The following DYNLT5 variants were observed in gnomAD, a reference collection of about 807,000 sequenced individuals.
DYNLT5 encodes the protein dynein light chain Tctex-type family member 5.
Under a neutral mutation model 19.3 loss-of-function variants are expected in DYNLT5, and 25 were observed. That is an observed-to-expected ratio of 1.30 (90% CI 0.95 to 1.81). DYNLT5 has a LOEUF of 1.81. Among genes scored for constraint, DYNLT5 ranks in the 40% most tolerant of loss-of-function variants. The pLI, the probability that DYNLT5 is intolerant of heterozygous loss-of-function variation, is 0.00. For synonymous variants in DYNLT5, 82 were observed against 68.9 expected, an observed-to-expected ratio of 1.19 and a Z score of -0.94; for missense variants, 232 against 217.9, an observed-to-expected ratio of 1.06 and a Z score of -0.41.
At chr1:66,755,646 T>C (rs1282862208) in intron 2 of DYNLT5, 1 of 152,080 alleles carries the variant, frequency 6.6e-6, no homozygotes, top group Non-Finnish European at 1.5e-5. Flanking sequence ...ATTCTCAGAG[T>C]GTATTAATGC....
intron 2 of DYNLT5, among the ~76,000 whole-genome samples, chr1:66,764,630 T>G (rs374795621): frequency 6.6e-6 from 1 of 152,190 alleles, no homozygotes; most frequent in South Asian, 2.1e-4. Context: ...TCTAAAATAT[T>G]GTGAGCATTA....
intron 2 of DYNLT5, among the ~76,000 whole-genome samples, chr1:66,758,526 A>G (rs565790968): frequency 6.6e-6 from 1 of 152,168 alleles, no homozygotes; most frequent in Admixed American, 6.6e-5. Context: ...TTCTGTATGG[A>G]TCCCACAGCT....
chr1:66,773,316 G>A (rs753067541), intron 3 of DYNLT5, among the ~76,000 whole-genome samples: 18 of 152,106 alleles, frequency 1.2e-4, no homozygotes, highest in Non-Finnish European at 1.8e-4. Context: ...AAAATATTGA[G>A]AGAGAAAGAG....
chr1:66,759,775 A>C (rs2094642654), intron 2 of DYNLT5, among the ~76,000 whole-genome samples: 1 of 152,244 alleles, frequency 6.6e-6, no homozygotes, highest in African/African-American at 2.4e-5. Context: ...GCCATTTGGC[A>C]AAGAAAGTTA....
intron 2 of DYNLT5, among the ~76,000 whole-genome samples, chr1:66,760,714 T>C (rs1256580455): frequency 2.0e-5 from 3 of 152,228 alleles, no homozygotes; most frequent in Non-Finnish European, 2.9e-5. Flanking sequence ...GCACCTGCAC[T>C]ACCAGCATCA....
intron 2 of DYNLT5, among the ~76,000 whole-genome samples, chr1:66,766,233 C>G (rs1391547): frequency 6.6e-6 from 1 of 151,850 alleles, no homozygotes; most frequent in East Asian, 1.9e-4. Context: ...AAAATAAAAC[C>G]GTAGCATTCA....
chr1:66,765,200 T>C (rs1572547411), intron 2 of DYNLT5, among the ~76,000 whole-genome samples: 1 of 152,206 alleles, frequency 6.6e-6, no homozygotes, highest in Admixed American at 6.5e-5. Flanking sequence ...CAGCACATGA[T>C]TTAATAACAG....
chr1:66,765,062 G>T (rs2094652237), intron 2 of DYNLT5, among the ~76,000 whole-genome samples: 1 of 152,150 alleles, frequency 6.6e-6, no homozygotes, highest in African/African-American at 2.4e-5. Context: ...TTCCCACTGT[G>T]CCTGACATGT....
At chr1:66,759,119 A>T (rs1356567474) in intron 2 of DYNLT5, among the ~76,000 whole-genome samples, 2 of 152,244 alleles carry the variant, frequency 1.3e-5, no homozygotes, top group Non-Finnish European at 2.9e-5. Flanking sequence ...GCCATTTCAC[A>T]TACAATATCT....
At chr1:66,775,769 C>T (rs189581799) in intron 3 of DYNLT5, among the ~76,000 whole-genome samples, 46 of 152,284 alleles carry the variant, frequency 3.0e-4, no homozygotes, top group South Asian at 2.1e-4. Context: ...CATTTGAAAA[C>T]TAAAGAGCAA....
intron 2 of DYNLT5, among the ~76,000 whole-genome samples, chr1:66,755,199 T>A (rs2094634007): frequency 6.6e-6 from 1 of 152,236 alleles, no homozygotes; most frequent in Non-Finnish European, 1.5e-5. Context: ...TCCTCTTAAA[T>A]GACTGCATAA....
intron 3 of DYNLT5, chr1:66,775,408 T>C (rs1399181011): frequency 2.0e-5 from 3 of 152,246 alleles, no homozygotes; most frequent in Non-Finnish European, 2.9e-5. Context: ...TTCATTATTA[T>C]ATATGTATAC....
chr1:66,762,390 C>A (rs10437080), intron 2 of DYNLT5, among the ~76,000 whole-genome samples: 1 of 151,958 alleles, frequency 6.6e-6, no homozygotes, highest in Non-Finnish European at 1.5e-5. Flanking sequence ...AACACTAGAA[C>A]TTATTTCTCC....
Position 66,776,347 on chromosome 1 carries a change from C to T in DYNLT5, c.280C>T (p.Gln94Ter). The T allele has an allele frequency of 2.5e-6, 4 of 1,613,320 alleles. No homozygotes were observed. Among genetic ancestry groups the T allele is most frequent in the Non-Finnish European group, 3.4e-6 (4 of 1,179,642 alleles). ...ILKDVVTSYL[Q>*]VEEYEPELCR... ...GAAAGATGTAGTAACCAGCTATCTA[C>T]AAGTAGAAGAATATGAACCAGAGCT... is the stretch of plus-strand genomic sequence containing the variant. Residue 94 changes from glutamine (Q) to a stop codon, truncating the protein, a stop_gained, in exon 4 of 5, where the codon CAA (glutamine) becomes TAA (stop). Coordinates refer to ENST00000282670, the MANE Select transcript of DYNLT5 (RefSeq NM_152665.3). LOFTEE classifies it high-confidence loss of function.
At chr1:66,764,021 C>CA (rs2094650309) in intron 2 of DYNLT5, among the ~76,000 whole-genome samples, 1 of 151,814 alleles carries the variant, frequency 6.6e-6, no homozygotes, top group Admixed American at 6.6e-5. Flanking sequence ...CCTGTCTGTA[C>CA]AAAAAATTAA....
In DYNLT5 at chr1:66,770,365, T is replaced by C. The variant is rs760351594; in HGVS notation, c.120-22T>C. ...TTATTGTTATAATAATGACTAAAAT[T>C]TGTTTTCTCCCTTGTTTTTAGTTCT... is the stretch of plus-strand genomic sequence containing the variant. On this transcript the variant is annotated intron_variant, in intron 2 of 4. Transcript: ENST00000282670. 4 of 1,482,118 alleles carry C rather than the reference T, an allele frequency of 2.7e-6. No homozygotes were observed. The Admixed American group carries it at 6.8e-5, about 25-fold the overall frequency. The allele number at this position is 1,482,118 out of a possible 1,614,324, so 91.8% of individuals were successfully genotyped here.
At chr1:66,769,520 A>AACACACACAC (rs71590352) in intron 2 of DYNLT5, among the ~76,000 whole-genome samples, 3 of 151,340 alleles carry the variant, frequency 2.0e-5, no homozygotes, top group Non-Finnish European at 4.4e-5. Context: ...GGTCACTCTG[A>AACACACACAC]ACACACACAC....
intron 2 of DYNLT5, among the ~76,000 whole-genome samples, chr1:66,759,362 A>C (rs1256190234): frequency 6.6e-6 from 1 of 152,208 alleles, no homozygotes; most frequent in Non-Finnish European, 1.5e-5. Context: ...AGGAGTAAGG[A>C]AAGATTTCTG....
chr1:66,764,244 C>T (rs1212819492), intron 2 of DYNLT5, among the ~76,000 whole-genome samples: 1 of 152,126 alleles, frequency 6.6e-6, no homozygotes, highest in Non-Finnish European at 1.5e-5. Context: ...CACAACTTGA[C>T]TAATTGTTGG....
Sources: gnomAD v4.1 joint callset for allele counts (sites outside exome capture counted in the v4.1 genomes callset) on GRCh38, gnomAD v4.1.1 for gene constraint, MANE v1.5 for transcripts, NCBI Gene and HGNC (gene_info 2026-07-23, HGNC 2026-07-21) for gene names.